Variants in PTPRZ1 observed in about 807,000 individuals in gnomAD.
The protein encoded by PTPRZ1 is receptor-type tyrosine-protein phosphatase zeta.
In PTPRZ1, 82 loss-of-function variants were observed where a neutral mutation model predicts 214.1. The observed-to-expected ratio is 0.38, with a 90% CI of 0.32 to 0.46. The LOEUF (loss-of-function observed/expected upper bound fraction) is 0.46. Among genes scored for constraint, PTPRZ1 ranks in the 20% least tolerant of loss-of-function variants. The probability of loss-of-function intolerance (pLI) is 1.00; values close to 1 mark genes in which losing one functional copy is unlikely to be tolerated. For synonymous variants in PTPRZ1, 945 were observed against 987.9 expected (o/e 0.96, Z 0.81); for missense variants, 2,603 against 2,748.7 (o/e 0.95, Z 1.19).
intron 1 of PTPRZ1, chr7:121,909,057 C>T (rs558017369): frequency 2.3e-6 from 1 of 435,796 alleles, no homozygotes; most frequent in Non-Finnish European, 4.5e-6. Flanking sequence ...TTTGCTTGCT[C>T]TCTTCTACCT....
At chr7:121,979,584 C>T (rs1198623371) in intron 6 of PTPRZ1, among the ~76,000 whole-genome samples, 1 of 152,098 alleles carries the variant, frequency 6.6e-6, no homozygotes, top group African/African-American at 2.4e-5. Context: ...AGTGCTTGGC[C>T]CTATTGTGGT....
intron 1 of PTPRZ1, among the ~76,000 whole-genome samples, chr7:121,900,261 A>G (rs1232231171): frequency 6.6e-6 from 1 of 152,184 alleles, no homozygotes; most frequent in African/African-American, 2.4e-5. Flanking sequence ...AAGCCCTGGC[A>G]ACTCAAGAAA....
intron 2 of PTPRZ1, among the ~76,000 whole-genome samples, chr7:121,958,458 G>A (rs891595430): frequency 1.1e-4 from 16 of 152,154 alleles, no homozygotes; most frequent in African/African-American, 3.9e-4. Context: ...CTGCCTAAAT[G>A]TTAGTGCTTT....
chr7:121,931,010 G>A (rs893461714), intron 2 of PTPRZ1, among the ~76,000 whole-genome samples: 8 of 152,102 alleles, frequency 5.3e-5, no homozygotes, highest in African/African-American at 1.9e-4. Flanking sequence ...TTTAATGCAG[G>A]ACATCTTTTT....
chr7:122,038,744 T>G lies in PTPRZ1; in HGVS notation c.5368-11T>G, dbSNP rs1799625742. On this transcript the variant is annotated splice_polypyrimidine_tract_variant and intron_variant, in intron 18 of 29. Transcript: ENST00000393386. ...CAGTTAGTAGGAAACATTTGTCATT[T>G]AATTCTTCAGGGCTACAACAGACCA... The G allele has an allele frequency of 1.2e-6, 2 of 1,611,858 alleles. No homozygotes were observed. The highest frequency in any genetic ancestry group is 4.5e-5 in the East Asian group (2 of 44,810).
chr7:121,945,261 G>T (rs1237246867), intron 2 of PTPRZ1, among the ~76,000 whole-genome samples: 1 of 152,158 alleles, frequency 6.6e-6, no homozygotes, highest in Non-Finnish European at 1.5e-5. Context: ...TATAGGTAAA[G>T]GAAATGACTC....
intron 15 of PTPRZ1, among the ~76,000 whole-genome samples, chr7:122,032,651 A>G (rs1461567992): frequency 6.6e-6 from 1 of 152,122 alleles, no homozygotes. Flanking sequence ...CAGGACTCAC[A>G]CCCATCATTA....
At chr7:121,908,862 T>G (rs1255621167) in intron 1 of PTPRZ1, 1 of 484,396 alleles carries the variant, frequency 2.1e-6, no homozygotes, top group Non-Finnish European at 4.0e-6. Flanking sequence ...TATGGAAATA[T>G]ATATAAAATA....
At chr7:122,015,113 G>T (rs1437869688) in intron 12 of PTPRZ1, among the ~76,000 whole-genome samples, 1 of 152,158 alleles carries the variant, frequency 6.6e-6, no homozygotes, top group East Asian at 1.9e-4. Flanking sequence ...AATGCCAATG[G>T]AAAGAAGAGG....
chr7:122,013,735 G>A lies in PTPRZ1; in HGVS notation c.4689G>A (p.Glu1563=), dbSNP rs1431840188. ...CCTCAGATAGCCTTAATGAGAATGAGACTTCCACAGATTTCAGTTTTGCAG... is the reference window on the plus strand; with the variant it reads ...CCTCAGATAGCCTTAATGAGAATGAAACTTCCACAGATTTCAGTTTTGCAG... The part of the protein sequence containing the change: ...QGTSDSLNEN[E]TSTDFSFADT... Residue 1563 remains glutamate (E), a synonymous_variant, in exon 12 of 30, where the codon GAG becomes GAA. Transcript: ENST00000393386. The A allele has an allele frequency of 2.5e-6, 4 of 1,614,074 alleles. No individual in the cohort carries two copies. The African/African-American group carries it at 5.3e-5, about 22-fold the overall frequency.
chr7:122,004,810 G>A (rs1798435010), intron 11 of PTPRZ1, 150 bp downstream of exon 11: 2 of 492,572 alleles, frequency 4.1e-6, no homozygotes, highest in Non-Finnish European at 7.4e-6. Context: ...TATATAGATA[G>A]TCACATAATT....
At chr7:121,897,514 C>A (rs1794823173) in intron 1 of PTPRZ1, among the ~76,000 whole-genome samples, 1 of 152,132 alleles carries the variant, frequency 6.6e-6, no homozygotes, top group Non-Finnish European at 1.5e-5. Context: ...TTTATACATT[C>A]CTCTATCCCC....
In PTPRZ1 at chr7:122,033,357, A is replaced by G. The variant is rs533450019; in HGVS notation, c.5167-738A>G. ...AATCAGATTTTTATTTTGGTTATCT[A>G]CTTTCTCAGAAATTATAAGGCTTTT... On this transcript the variant is annotated intron_variant, in intron 15 of 29. Coordinates refer to ENST00000393386, the MANE Select transcript of PTPRZ1 (RefSeq NM_002851.3). 1.9e-3 allele frequency among the ~76,000 whole-genome samples: 290 copies of G among 151,812 alleles called. 1 individual carries two copies. The highest frequency in any genetic ancestry group is 3.4e-3 in the Middle Eastern group (1 of 294).
intron 2 of PTPRZ1, among the ~76,000 whole-genome samples, chr7:121,958,595 ATATTTTTTGT>A (rs1267559408): frequency 6.6e-6 from 1 of 152,092 alleles, no homozygotes; most frequent in Non-Finnish European, 1.5e-5. Flanking sequence ...TCCCAGACCC[ATATTTTTTGT>A]TGTTTAATGA....
At chr7:121,933,156 A>G (rs1210000946) in intron 2 of PTPRZ1, among the ~76,000 whole-genome samples, 2 of 151,008 alleles carry the variant, frequency 1.3e-5, no homozygotes, top group Non-Finnish European at 3.0e-5. Context: ...GTTCAGTGAA[A>G]AAAAAAAAAA....
chr7:121,977,859 A>G (rs1280654678), intron 6 of PTPRZ1, among the ~76,000 whole-genome samples: 2 of 152,132 alleles, frequency 1.3e-5, no homozygotes, highest in Non-Finnish European at 2.9e-5. Flanking sequence ...GACTGAAATA[A>G]AACAACTTGT....
At chr7:121,962,562 T>G (rs1404714559) in intron 2 of PTPRZ1, among the ~76,000 whole-genome samples, 2 of 152,060 alleles carry the variant, frequency 1.3e-5, no homozygotes, top group Non-Finnish European at 2.9e-5. Context: ...CTTTGTTTTA[T>G]TCCTGTGCAC....
intron 6 of PTPRZ1, among the ~76,000 whole-genome samples, chr7:121,977,628 A>G (rs1475480851): frequency 6.6e-6 from 1 of 152,086 alleles, no homozygotes; most frequent in Non-Finnish European, 1.5e-5. Context: ...TTGATTTATC[A>G]TTGTCAATTA....
At position 121,996,362 on chromosome 7, in the gene PTPRZ1, G is replaced by A. The variant is rs1352885588; in HGVS notation, c.929-20G>A. ...TCAAGGCTAAGTTCTATCAACAACT[G>A]TACTTTTTTCTCTCTGAAGTTTGTA... On this transcript the variant is annotated intron_variant, in intron 8 of 29. Coordinates refer to ENST00000393386, the MANE Select transcript of PTPRZ1 (RefSeq NM_002851.3). 3.2e-6 allele frequency: 5 copies of A among 1,562,122 alleles called. No homozygotes were observed. The highest frequency in any genetic ancestry group is 1.2e-5 in the South Asian group (1 of 80,214).
Sources: allele counts gnomAD v4.1 joint callset (sites outside exome capture counted in the v4.1 genomes callset), GRCh38; gene constraint gnomAD v4.1.1; transcripts MANE v1.5; gene names NCBI Gene and HGNC (gene_info 2026-07-23, HGNC 2026-07-21).